The following MRPL21 variants were observed in gnomAD, a reference collection of about 807,000 sequenced individuals.
MRPL21 encodes the protein mitochondrial ribosomal protein L21, also known as large ribosomal subunit protein bL21m.
A neutral mutation model predicts 27.3 loss-of-function variants in MRPL21; 20 were observed. The ratio of observed to expected loss-of-function variants is 0.73; its 90% CI spans 0.52 to 1.06. The LOEUF (loss-of-function observed/expected upper bound fraction) is 1.06. MRPL21 is among the 50% of genes least tolerant of loss of function. The pLI, the probability that MRPL21 is intolerant of heterozygous loss-of-function variation, is 0.00. For missense variants in MRPL21, 249 were observed against 251.4 expected (o/e 0.99, Z 0.06); for synonymous variants, 98 against 101.5 (o/e 0.97, Z 0.21).
intron 4 of MRPL21, among the ~76,000 whole-genome samples, chr11:68,895,133 G>A (rs980315174): frequency 6.6e-6 from 1 of 152,010 alleles, no homozygotes; most frequent in Admixed American, 6.5e-5. Flanking sequence ...GCATGGTAGT[G>A]CATGCCTGTA....
intron 1 of MRPL21, 121 bp from the exon 2 acceptor site, chr11:68,900,726 C>A: frequency 2.3e-6 from 2 of 858,482 alleles, no homozygotes; most frequent in South Asian, 1.4e-5. Context: ...GCATGACAGC[C>A]TGCCCACAGA....
Position 68,896,611 on chromosome 11 carries a change from G to A in MRPL21, c.300C>T (p.His100=), listed in dbSNP as rs1315112179. ...TCACCTTCCACTGGCGGCTGGCAAA[G>A]TGCACCACGGCAAAGAGCCTGCCAT... ...GQYGRLFAVV[H]FASRQWKVTS... is the part of the protein sequence containing the mutation. Residue 100 remains histidine (H), a synonymous_variant, in exon 4 of 7, where the codon CAC becomes CAT. Transcript: ENST00000362034. 1 of 1,614,212 alleles carries A rather than the reference G, an allele frequency of 6.2e-7. No homozygotes were observed. Among genetic ancestry groups the A allele is most frequent in the Non-Finnish European group, 8.5e-7 (1 of 1,180,034 alleles).
chr11:68,896,867 A>G (rs1857804805), intron 3 of MRPL21, 189 bp from the exon 4 acceptor site: 4 of 652,410 alleles, frequency 6.1e-6, no homozygotes, highest in South Asian at 1.9e-5. Context: ...GCACAGGGTC[A>G]GTCTGCTGCT....
intron 1 of MRPL21, among the ~76,000 whole-genome samples, chr11:68,903,189 C>G (rs993470877): frequency 1.3e-5 from 2 of 152,174 alleles, no homozygotes; most frequent in Non-Finnish European, 2.9e-5. Context: ...AACACTCATG[C>G]ACACAAATAC....
chr11:68,901,045 C>T (rs1857921643), intron 1 of MRPL21, among the ~76,000 whole-genome samples: 1 of 152,184 alleles, frequency 6.6e-6, no homozygotes, highest in Non-Finnish European at 1.5e-5. Context: ...GAGGTGATAA[C>T]CAACTGGGAC....
chr11:68,896,387 C>G, intron 4 of MRPL21, 128 bp downstream of exon 4: 1 of 1,245,156 alleles, frequency 8.0e-7, no homozygotes, highest in Non-Finnish European at 1.1e-6. Context: ...CCCTTCTGAG[C>G]CTCAGCTTTG....
chr11:68,896,467 A>G lies in MRPL21; in HGVS notation c.396+48T>C, dbSNP rs182603715. The G allele has an allele frequency of 1.4e-5, 23 of 1,605,220 alleles. No homozygotes were observed. In the Admixed American group the frequency reaches 1.7e-4, roughly 12 times the overall value. On this transcript the variant is annotated intron_variant, in intron 4 of 6. Transcript: ENST00000362034. ...GTGAGCTGGGGCGTGGAGATTACAT[A>G]CTTGGTGGCTGAGTCCCTGAATATC...
In MRPL21 at chr11:68,893,568, T is replaced by C. The variant is rs147531572; in HGVS notation, c.397-113A>G. The C allele has an allele frequency of 5.1e-4, 692 of 1,354,012 alleles. 1 individual carries two copies. The African/African-American group carries it at 7.3e-3, about 14-fold the overall frequency. The allele number at this position is 1,354,012 out of a possible 1,614,324, so 83.9% of individuals were successfully genotyped here. A position where few individuals can be genotyped will look rare whatever the true frequency, so the allele number is the denominator to read the frequency against. On this transcript the variant is annotated intron_variant, in intron 4 of 6. Coordinates refer to ENST00000362034, the MANE Select transcript of MRPL21 (RefSeq NM_181514.2). ...CACAAAATGAGAAAGACTGAAAACATTGTGACATGAATTTCATCTGCTGTC... is the reference window on the plus strand; with the variant it reads ...CACAAAATGAGAAAGACTGAAAACACTGTGACATGAATTTCATCTGCTGTC...
In MRPL21 at chr11:68,892,673, G is replaced by A. The variant is rs1470523317; in HGVS notation, c.553+217C>T. 4 of 1,496,322 alleles carry A rather than the reference G, an allele frequency of 2.7e-6. No homozygotes were observed. The East Asian group carries it at 7.5e-5, about 28-fold the overall frequency. 92.7% of individuals were successfully genotyped at this position (1,496,322 alleles called of 1,614,324 possible). On this transcript the variant is annotated intron_variant, in intron 6 of 6. Coordinates refer to ENST00000362034, the MANE Select transcript of MRPL21 (RefSeq NM_181514.2). Reference sequence around the variant, plus strand: ...GGAGCGTGGAGGAGAAGGGGAGCGAGGTGGGGTCACGCGTGGAGCGTGGAG... The same window carrying A: ...GGAGCGTGGAGGAGAAGGGGAGCGAAGTGGGGTCACGCGTGGAGCGTGGAG...
At position 68,891,388 on chromosome 11, in the gene MRPL21, C is replaced by A. The variant is rs768440830; in HGVS notation, c.561G>T (p.Thr187=). 1.2e-6 allele frequency: 2 copies of A among 1,614,018 alleles called. No homozygotes were observed. Among genetic ancestry groups the A allele is most frequent in the Non-Finnish European group, 1.7e-6 (2 of 1,180,014 alleles). ...RKNFKKKRIV[T]TPQTVLRINS... ...TTATCCGGAGGACAGTCTGCGGGGTCGTGACGACTGAAAGAAAGGATGTCA... is the reference window on the plus strand; with the variant it reads ...TTATCCGGAGGACAGTCTGCGGGGTAGTGACGACTGAAAGAAAGGATGTCA... The change falls in exon 7 of 7, where the codon ACG becomes ACT. Residue 187 remains threonine, a synonymous_variant. Transcript: ENST00000362034.
At chr11:68,893,118 T>G (rs1374408312) in intron 5 of MRPL21, 125 bp from the exon 6 acceptor site, 22 of 1,353,026 alleles carry the variant, frequency 1.6e-5, no homozygotes, top group Non-Finnish European at 2.1e-5. Context: ...ACGCCCTCAA[T>G]GGAAACATTT....
In MRPL21 at chr11:68,891,327, G is replaced by A. The variant is rs762790097; in HGVS notation, c.*4C>T. The stretch of plus-strand genomic sequence containing the variant: ...TTATCCTTTTGTAAGTATTAACTCG[G>A]TAATCACAACAAACACGGAGCAATC... On this transcript the variant is annotated 3_prime_UTR_variant, in exon 7 of 7. Coordinates refer to ENST00000362034, the MANE Select transcript of MRPL21 (RefSeq NM_181514.2). The A allele has an allele frequency of 2.5e-6, 4 of 1,613,652 alleles. No individual in the cohort carries two copies. The South Asian group carries it at 4.4e-5, about 18-fold the overall frequency.
chr11:68,898,055 A>T, intron 2 of MRPL21, 43 bp from the exon 3 acceptor site: 1 of 1,499,124 alleles, frequency 6.7e-7, no homozygotes, highest in Non-Finnish European at 9.3e-7. Context: ...AGCACCTGAA[A>T]AGGCAGCTCA....
In MRPL21 at chr11:68,899,403, C is replaced by T. The variant is rs1201798025; in HGVS notation, c.146+1145G>A. On this transcript the variant is annotated intron_variant, in intron 2 of 6. Transcript: ENST00000362034. The stretch of plus-strand genomic sequence containing the variant: ...CACACCAAAGACCAGGCCCACCCGT[C>T]CTGTTGGCTGGCGCGCAGGAGGGGC... Among the ~76,000 whole-genome samples, 5 of 152,214 alleles carry T rather than the reference C, an allele frequency of 3.3e-5. No homozygotes were observed. The East Asian group carries it at 9.6e-4, about 29-fold the overall frequency.
chr11:68,892,048 G>C, intron 6 of MRPL21: 1 of 1,288,868 alleles, frequency 7.8e-7, no homozygotes, highest in Non-Finnish European at 1.0e-6. Flanking sequence ...GTGGGGTCAT[G>C]CGTGGAGGGT....
At chr11:68,891,965 G>T in intron 6 of MRPL21, 1 of 759,688 alleles carries the variant, frequency 1.3e-6, no homozygotes, top group Non-Finnish European at 1.9e-6. Flanking sequence ...AGACCTGCTA[G>T]GACAGCCCTA....
chr11:68,897,821 C>G (rs911416342), intron 3 of MRPL21, 106 bp downstream of exon 3: 5 of 801,306 alleles, frequency 6.2e-6, no homozygotes, highest in East Asian at 2.5e-5. Context: ...CTGGGAGCAT[C>G]TGGAAACATG....
chr11:68,903,770 G>A lies in MRPL21; in HGVS notation c.41C>T (p.Ala14Val). ...SSLTVTLGRL[A>V]SACSHSILRP... is the part of the protein sequence containing the mutation. ...CAGGATGCTGTGGCTGCACGCGGAC[G>A]CCAGCCGCCCTAAGGTGACCGTCAG... The change falls in exon 1 of 7, where the codon GCG becomes GTG. Residue 14 changes from alanine to valine, a missense_variant. Ala to Val is a moderately conservative substitution (Grantham distance 64, BLOSUM62 0). Transcript: ENST00000362034. The A allele has an allele frequency of 6.2e-7, 1 of 1,613,108 alleles. No homozygotes were observed.
chr11:68,893,484 A>T, intron 4 of MRPL21, 29 bp from the exon 5 acceptor site: 1 of 1,614,164 alleles, frequency 6.2e-7, no homozygotes, highest in Non-Finnish European at 8.5e-7. Flanking sequence ...GTGTTTCATC[A>T]GTGGCTCATT....
Sources: allele counts gnomAD v4.1 joint callset (sites outside exome capture counted in the v4.1 genomes callset), GRCh38; gene constraint gnomAD v4.1.1; transcripts MANE v1.5; gene names NCBI Gene and HGNC (gene_info 2026-07-23, HGNC 2026-07-21).